PCDHA3: variants seen among roughly 807,000 people sequenced by gnomAD.
PCDHA3 encodes the protein protocadherin alpha-3.
PCDHA3 carries 41 observed loss-of-function variants against 62.2 expected under a neutral mutation model. That is an observed-to-expected ratio of 0.66 (90% CI 0.51 to 0.86). PCDHA3 has a LOEUF of 0.86. PCDHA3 is among the 40% of genes least tolerant of loss of function. The probability of loss-of-function intolerance (pLI) is 0.00; values close to 1 mark genes in which losing one functional copy is unlikely to be tolerated. For missense variants in PCDHA3, 1,304 were observed against 1,241.2 expected, an observed-to-expected ratio of 1.05 and a Z score of -0.76; for synonymous variants, 640 against 555.4, an observed-to-expected ratio of 1.15 and a Z score of -2.14.
chr5:140,830,635 C>A, intron 1 of PCDHA3: 1 of 507,538 alleles, frequency 2.0e-6, no homozygotes, highest in Non-Finnish European at 3.1e-6. Flanking sequence ...ATTTTAATCT[C>A]TTTGCTTCTT....
intron 1 of PCDHA3, chr5:140,822,447 A>T: frequency 6.2e-7 from 1 of 1,613,894 alleles, no homozygotes; most frequent in Non-Finnish European, 8.5e-7. Flanking sequence ...TAACAGGTAC[A>T]GTTCAGTTGT....
intron 1 of PCDHA3, chr5:140,830,029 G>T (rs2150179968): frequency 8.7e-6 from 14 of 1,613,908 alleles, no homozygotes; most frequent in Admixed American, 8.3e-5. Flanking sequence ...CGCGCCACCG[G>T]CTGCTGGTGC....
chr5:140,845,808 A>C (rs1780048238), intron 1 of PCDHA3, among the ~76,000 whole-genome samples: 1 of 149,776 alleles, frequency 6.7e-6, no homozygotes, highest in Non-Finnish European at 1.5e-5. Context: ...AGTGATAGGT[A>C]CATAATAAAA....
chr5:140,830,152 G>C (rs2150182031), intron 1 of PCDHA3: 3 of 1,613,316 alleles, frequency 1.9e-6, no homozygotes, highest in East Asian at 4.5e-5. Flanking sequence ...TGGGCGCCGC[G>C]GGCCCAGAGG....
At chr5:140,828,871 A>C in intron 1 of PCDHA3, 1 of 1,614,250 alleles carries the variant, frequency 6.2e-7, no homozygotes, top group Non-Finnish European at 8.5e-7. Context: ...ACGGAACAAC[A>C]GTTATCAGAC....
chr5:140,906,629 C>T (rs1554192599), intron 1 of PCDHA3, among the ~76,000 whole-genome samples: 1 of 152,222 alleles, frequency 6.6e-6, no homozygotes, highest in Non-Finnish European at 1.5e-5. Context: ...CTTCAGCAAG[C>T]ACCTCAGCAG....
At chr5:140,823,987 C>T in intron 1 of PCDHA3, 2 of 1,614,204 alleles carry the variant, frequency 1.2e-6, no homozygotes, top group Non-Finnish European at 1.7e-6. Context: ...CAAGCCCACT[C>T]TGTTGTGCTC....
chr5:140,895,857 G>C (rs1181424868), intron 1 of PCDHA3, among the ~76,000 whole-genome samples: 1 of 152,116 alleles, frequency 6.6e-6, no homozygotes, highest in Admixed American at 6.5e-5. Flanking sequence ...TGTACCCCAG[G>C]CTGGAGTGCA....
chr5:140,887,018 G>C (rs965813784), intron 1 of PCDHA3, among the ~76,000 whole-genome samples: 70 of 151,906 alleles, frequency 4.6e-4, no homozygotes, highest in African/African-American at 1.6e-3. Context: ...CCTACTGCCT[G>C]AAAAATTTCT....
At chr5:140,863,608 T>C (rs548888922) in intron 1 of PCDHA3, 1 of 349,702 alleles carries the variant, frequency 2.9e-6, no homozygotes, top group Non-Finnish European at 5.6e-6. Flanking sequence ...CCTATTAATG[T>C]CCCTCATAGT....
Position 140,842,564 on chromosome 5 carries a change from C to G in PCDHA3, c.2394+38973C>G, listed in dbSNP as rs2150339268. 40 of 1,500,320 alleles carry G rather than the reference C, an allele frequency of 2.7e-5. 2 individuals carry two copies. In the East Asian group the frequency reaches 6.6e-4, roughly 25 times the overall value. The allele number at this position is 1,500,320 out of a possible 1,614,324, so 92.9% of individuals were successfully genotyped here. A position where few individuals can be genotyped will look rare whatever the true frequency, so the allele number is the denominator to read the frequency against. On this transcript the variant is annotated intron_variant, in intron 1 of 3. Transcript: ENST00000522353. ...GTTGGTGCTGGACAGCGCCCTGGAC[C>G]GCGAGAGAGTGTCGGCCTATGAGTT...
intron 1 of PCDHA3, among the ~76,000 whole-genome samples, chr5:140,881,049 A>C (rs990514512): frequency 6.6e-6 from 1 of 152,238 alleles, no homozygotes; most frequent in Admixed American, 6.5e-5. Flanking sequence ...AGAGTTGTGC[A>C]CAGAACAGGC....
At chr5:140,873,867 G>A (rs2054538446) in intron 1 of PCDHA3, among the ~76,000 whole-genome samples, 1 of 152,098 alleles carries the variant, frequency 6.6e-6, no homozygotes, top group Non-Finnish European at 1.5e-5. Flanking sequence ...CACCATGTTG[G>A]CCAGGCTGGT....
At chr5:140,934,695 T>G (rs155824) in intron 1 of PCDHA3, among the ~76,000 whole-genome samples, 48,210 of 151,950 alleles carry the variant, frequency 0.32, 7,985 homozygotes, top group East Asian at 0.53. Flanking sequence ...ATGAATTGAT[T>G]CCTGGCCATC....
intron 1 of PCDHA3, among the ~76,000 whole-genome samples, chr5:140,977,031 G>A (rs1554238180): frequency 6.6e-6 from 1 of 152,192 alleles, no homozygotes; most frequent in Admixed American, 6.5e-5. Context: ...ATGAATCTAA[G>A]AAGGATGTTG....
chr5:140,899,981 G>T (rs929559514), intron 1 of PCDHA3, among the ~76,000 whole-genome samples: 3 of 151,734 alleles, frequency 2.0e-5, no homozygotes, highest in African/African-American at 7.3e-5. Flanking sequence ...CTACTTTTTT[G>T]ATTTTTTTTG....
intron 1 of PCDHA3, among the ~76,000 whole-genome samples, chr5:140,831,887 T>C (rs2150198010): frequency 2.4e-4 from 37 of 152,304 alleles, no homozygotes; most frequent in African/African-American, 6.5e-4. Context: ...CGCTTATAAC[T>C]GTGTTTGCCA....
chr5:140,894,997 T>G (rs566489828), intron 1 of PCDHA3, among the ~76,000 whole-genome samples: 15 of 152,296 alleles, frequency 9.8e-5, no homozygotes, highest in African/African-American at 3.6e-4. Flanking sequence ...TCCTTTACCC[T>G]TTTTACTTGG....
At chr5:140,864,304 A>G (rs2048411725) in intron 1 of PCDHA3, 1 of 152,230 alleles carries the variant, frequency 6.6e-6, no homozygotes, top group East Asian at 1.9e-4. Flanking sequence ...CAAAAATACC[A>G]TGACAATATT....
Sources: allele counts gnomAD v4.1 joint callset (sites outside exome capture counted in the v4.1 genomes callset), GRCh38; gene constraint gnomAD v4.1.1; transcripts MANE v1.5; gene names NCBI Gene and HGNC (gene_info 2026-07-23, HGNC 2026-07-21).